The following NHSL1 variants were observed in gnomAD, a reference collection of about 807,000 sequenced individuals.
The protein encoded by NHSL1 is NHS like 1, also known as NHS-like protein 1.
NHSL1 carries 48 observed loss-of-function variants against 95.0 expected under a neutral mutation model. The observed-to-expected ratio is 0.51, with a 90% CI of 0.40 to 0.64. NHSL1 has a LOEUF of 0.64. NHSL1 is among the 30% of genes least tolerant of loss of function. The pLI is 0.00. For missense variants in NHSL1, 1,971 were observed against 2,077.7 expected (o/e 0.95, Z 1.00); for synonymous variants, 783 against 833.9 (o/e 0.94, Z 1.05).
intron 1 of NHSL1, among the ~76,000 whole-genome samples, chr6:138,601,789 C>T (rs975845080): frequency 7.9e-5 from 12 of 151,406 alleles, no homozygotes; most frequent in African/African-American, 2.7e-4. Flanking sequence ...TCCAGCCTGG[C>T]GACAGAGCGA....
chr6:138,496,185 C>T, intron 2 of NHSL1, 34 bp downstream of exon 2: 1 of 1,549,578 alleles, frequency 6.5e-7, no homozygotes, highest in Middle Eastern at 1.7e-4. Context: ...GCCAGTAACC[C>T]AAGAAAATAA....
At chr6:138,516,496 T>C (rs1352875024) in intron 1 of NHSL1, among the ~76,000 whole-genome samples, 1 of 152,158 alleles carries the variant, frequency 6.6e-6, no homozygotes, top group Non-Finnish European at 1.5e-5. Flanking sequence ...GCAATGGCTG[T>C]GGGAGATATG....
chr6:138,550,479 A>G (rs1285988759), upstream of NHSL1, among the ~76,000 whole-genome samples: 1 of 152,222 alleles, frequency 6.6e-6, no homozygotes, highest in African/African-American at 2.4e-5. Context: ...AGTCCTCTGG[A>G]CAGCACAAAG....
At chr6:138,579,202 T>C (rs1457882005) in intron 1 of NHSL1, among the ~76,000 whole-genome samples, 3 of 152,228 alleles carry the variant, frequency 2.0e-5, no homozygotes, top group Non-Finnish European at 2.9e-5. Flanking sequence ...TGGTTCCTAA[T>C]AGGCCACAGC....
intron 1 of NHSL1, among the ~76,000 whole-genome samples, chr6:138,602,804 C>T (rs550510428): frequency 1.3e-5 from 2 of 152,120 alleles, no homozygotes; most frequent in East Asian, 3.9e-4. Context: ...GCCTTTTGTT[C>T]TTTTCATCAT....
At chr6:138,659,949 C>G (rs527668830) in intron 1 of NHSL1, among the ~76,000 whole-genome samples, 1 of 152,284 alleles carries the variant, frequency 6.6e-6, no homozygotes, top group East Asian at 1.9e-4. Flanking sequence ...CTCCTGACCT[C>G]AAATAATCCA....
upstream of NHSL1, chr6:138,692,732 C>G (rs940975936): frequency 2.5e-4 from 38 of 151,658 alleles, no homozygotes; most frequent in African/African-American, 9.2e-4. This position sits in a 1 kb window ranked among gnomAD's most constrained non-coding sequence, Gnocchi z 4.0. Flanking sequence ...GGCGCAGCCG[C>G]GCGGGCTCCA....
rs530149392 is a variant in NHSL1, at chr6:138,538,558, C to T, written c.16+7065G>A. ...ACACATTAAGTCACTGTTCATCCTC[C>T]CCTGAACCTGCTCCCAATGTTCGCG... On this transcript the variant is annotated intron_variant, in intron 1 of 4. Transcript: ENST00000342260. Among the ~76,000 whole-genome samples the T allele has an allele frequency of 3.9e-5, 6 of 152,272 alleles. No individual in the cohort carries two copies. In the East Asian group the frequency reaches 1.2e-3, roughly 29 times the overall value.
chr6:138,626,449 T>C (rs766572793), intron 1 of NHSL1, among the ~76,000 whole-genome samples: 7 of 152,206 alleles, frequency 4.6e-5, no homozygotes, highest in Non-Finnish European at 7.3e-5. Context: ...TGTGACGGCA[T>C]AGCTTTAAGT....
chr6:138,499,427 C>T lies in NHSL1; in HGVS notation c.-137G>A. On this transcript the variant is annotated 5_prime_UTR_variant, in exon 1 of 8. An upstream open reading frame in the 5' UTR gains an earlier in-frame stop. Transcript: ENST00000343505. ...CGGTCTCATATCCTTAGACATCTGC[C>T]CAGGCTGATGTAACTGAGGTTGAGT... 1 of 1,441,618 alleles carries T rather than the reference C, an allele frequency of 6.9e-7. No homozygotes were observed. The highest frequency in any genetic ancestry group is 9.2e-7 in the Non-Finnish European group (1 of 1,091,404). The allele number at this position is 1,441,618 out of a possible 1,614,324, so 89.3% of individuals were successfully genotyped here. A position where few individuals can be genotyped will look rare whatever the true frequency, so the allele number is the denominator to read the frequency against.
chr6:138,472,805 T>C (rs1778836224), intron 3 of NHSL1, among the ~76,000 whole-genome samples: 1 of 152,208 alleles, frequency 6.6e-6, no homozygotes, highest in Non-Finnish European at 1.5e-5. Flanking sequence ...GCTAGTGCAA[T>C]AATATTAAGT....
intron 3 of NHSL1, among the ~76,000 whole-genome samples, chr6:138,453,138 C>T (rs1020070186): frequency 1.2e-4 from 18 of 151,868 alleles, no homozygotes; most frequent in Non-Finnish European, 2.2e-4. Flanking sequence ...CCATGCCTGG[C>T]TAATTTTTGT....
chr6:138,424,511 G>A lies in NHSL1; in HGVS notation c.4391C>T (p.Pro1464Leu), dbSNP rs1260791781. The A allele has an allele frequency of 6.4e-7, 1 of 1,551,660 alleles. No individual in the cohort carries two copies. The highest frequency in any genetic ancestry group is 1.4e-5 in the African/African-American group (1 of 73,168). ...SEPSPDAPESPSSCSPSKNRR... is the reference protein window; with the variant it reads ...SEPSPDAPESLSSCSPSKNRR... ...GTTCTTGCTTGGGGAGCAGCTTGAC[G>A]GGCTCTCGGGGGCATCTGGGGAAGG... Residue 1464 changes from proline to leucine, a missense_variant, in exon 8 of 8, where the codon CCG becomes CTG. By Grantham distance (98) the Pro-to-Leu change is moderately conservative (BLOSUM62 -3). Transcript: ENST00000343505. This position sits in a 1 kb window ranked among gnomAD's most constrained non-coding sequence, Gnocchi z 5.9.
intron 1 of NHSL1, among the ~76,000 whole-genome samples, chr6:138,535,711 G>C (rs1421035628): frequency 6.6e-6 from 1 of 152,144 alleles, no homozygotes; most frequent in Non-Finnish European, 1.5e-5. Flanking sequence ...ATTTTGATAT[G>C]TTCATGAGGT....
intron 1 of NHSL1, among the ~76,000 whole-genome samples, chr6:138,525,700 G>A (rs1189484571): frequency 6.6e-6 from 1 of 152,098 alleles, no homozygotes; most frequent in Non-Finnish European, 1.5e-5. Context: ...TAGCTGGGTT[G>A]ATACAATGAG....
At position 138,473,449 on chromosome 6, in the gene NHSL1, C is replaced by G. The variant is rs2128248353; in HGVS notation, c.212-16G>C. 1.4e-6 allele frequency: 2 copies of G among 1,411,188 alleles called. No individual in the cohort carries two copies. Among genetic ancestry groups the G allele is most frequent in the East Asian group, 5.6e-5 (2 of 35,510 alleles). The allele number at this position is 1,411,188 out of a possible 1,614,324, so 87.4% of individuals were successfully genotyped here. On this transcript the variant is annotated splice_polypyrimidine_tract_variant and intron_variant, in intron 2 of 7. Transcript: ENST00000343505. ...TTATCGCATTCTGCAGAGGGGCACG[C>G]AGGGAGGGGAAGGAGGCCATTAAAA...
chr6:138,458,041 G>A (rs1489276039), intron 3 of NHSL1, among the ~76,000 whole-genome samples: 2 of 151,704 alleles, frequency 1.3e-5, no homozygotes, highest in Non-Finnish European at 2.9e-5. Context: ...AACTGTTAGG[G>A]TGATGTTAAG....
intron 1 of NHSL1, among the ~76,000 whole-genome samples, chr6:138,609,642 C>T (rs573229604): frequency 2.3e-4 from 35 of 149,376 alleles, no homozygotes; most frequent in African/African-American, 8.4e-4. Context: ...CCCAGCTATT[C>T]GGGAGGCTAA....
intron 1 of NHSL1, among the ~76,000 whole-genome samples, chr6:138,596,906 G>T (rs77471538): frequency 0.012 from 1,879 of 152,148 alleles, 26 homozygotes; most frequent in Non-Finnish European, 0.019. Context: ...AGAGTTTGAA[G>T]TGCTCAGGGT....
Sources: gnomAD v4.1 joint callset for allele counts (sites outside exome capture counted in the v4.1 genomes callset) on GRCh38, gnomAD v4.1.1 for gene constraint, Gnocchi (gnomAD v3.1) non-coding constraint, MANE v1.5 for transcripts, NCBI Gene and HGNC (gene_info 2026-07-23, HGNC 2026-07-21) for gene names.